The following DPH6 variants were observed in gnomAD, a reference collection of about 807,000 sequenced individuals.
The protein encoded by DPH6 is diphthine--ammonia ligase.
Under a neutral mutation model 38.2 loss-of-function variants are expected in DPH6, and 33 were observed. That is an observed-to-expected ratio of 0.86 (90% confidence interval 0.65 to 1.15). DPH6 has a LOEUF of 1.15. DPH6 is among the 50% of genes most tolerant of loss of function. The pLI is 0.00. For synonymous variants in DPH6, 108 were observed against 103.0 expected (o/e 1.05, Z -0.30); for missense variants, 325 against 320.0 (o/e 1.02, Z -0.12).
intron 3 of DPH6, among the ~76,000 whole-genome samples, chr15:35,476,255 C>T (rs763213567): frequency 1.3e-5 from 2 of 151,768 alleles, no homozygotes; most frequent in Admixed American, 6.6e-5. Flanking sequence ...TCAGTTCCCT[C>T]ATTAGTAAAT....
At chr15:35,521,939 T>C in intron 3 of DPH6, 1 of 1,421,268 alleles carries the variant, frequency 7.0e-7, no homozygotes, top group Non-Finnish European at 9.2e-7. Flanking sequence ...AAGTTCATTT[T>C]TGAAGGTTTG....
intron 5 of DPH6, among the ~76,000 whole-genome samples, chr15:35,422,260 T>C (rs953333697): frequency 2.6e-5 from 4 of 151,794 alleles, no homozygotes; most frequent in East Asian, 1.9e-4. Flanking sequence ...TTTTGGTATA[T>C]AGAAACAGAA....
At chr15:35,471,670 C>A (rs566035194) in intron 3 of DPH6, among the ~76,000 whole-genome samples, 1 of 152,288 alleles carries the variant, frequency 6.6e-6, no homozygotes, top group African/African-American at 2.4e-5. Flanking sequence ...AATTTTCTAT[C>A]CATCCTCTGC....
chr15:35,325,085 T>C (rs915443416), intron 3 of DPH6, among the ~76,000 whole-genome samples: 2 of 152,172 alleles, frequency 1.3e-5, no homozygotes, highest in African/African-American at 4.8e-5. Flanking sequence ...TTTTTTGGAT[T>C]TGAAGGTTCC....
chr15:35,544,765 A>G (rs1301484695), intron 1 of DPH6, among the ~76,000 whole-genome samples: 1 of 152,180 alleles, frequency 6.6e-6, no homozygotes, highest in African/African-American at 2.4e-5. Context: ...TGCACATTAC[A>G]GGTTATTTAG....
chr15:35,533,108 G>GGA (rs1555409304), intron 3 of DPH6, among the ~76,000 whole-genome samples: 2 of 144,230 alleles, frequency 1.4e-5, no homozygotes, highest in Non-Finnish European at 1.5e-5. Context: ...ACTCAGTCTC[G>GGA]AAAAAAAAAA....
chr15:35,198,415 C>T, the DPH6 span, among the ~76,000 whole-genome samples: 7 of 152,290 alleles, frequency 4.6e-5, no homozygotes, highest in South Asian at 4.1e-4. Flanking sequence ...CTAACATATG[C>T]TTTCTGGAAA....
At chr15:35,407,254 T>C in intron 6 of DPH6, among the ~76,000 whole-genome samples, 1 of 134,382 alleles carries the variant, frequency 7.4e-6, no homozygotes, top group Non-Finnish European at 1.6e-5. Flanking sequence ...ATTTATGCAT[T>C]TTTTTTTAAA....
intron 1 of DPH6, 100 bp downstream of exon 1, chr15:35,546,019 G>C (rs990746403): frequency 9.0e-7 from 1 of 1,111,870 alleles, no homozygotes; most frequent in South Asian, 3.1e-5. Context: ...CCCCCAACGC[G>C]CGACTCAGAC....
chr15:35,210,322 T>C, the DPH6 span, among the ~76,000 whole-genome samples: 3 of 152,194 alleles, frequency 2.0e-5, no homozygotes, highest in Admixed American at 2.0e-4. Context: ...GTATATAAAA[T>C]ATCTATTATA....
chr15:35,173,360 A>T, the DPH6 span, among the ~76,000 whole-genome samples: 445 of 152,268 alleles, frequency 2.9e-3, 1 homozygote, highest in African/African-American at 0.01. Context: ...TGTCATTTCT[A>T]ACACCTTAAA....
At chr15:35,522,347 T>C in intron 3 of DPH6, 1 of 1,491,476 alleles carries the variant, frequency 6.7e-7, no homozygotes, top group Non-Finnish European at 9.1e-7. Flanking sequence ...GCCCTGAGGC[T>C]GGATTACCAT....
chr15:35,520,459 A>G (rs1178995605), intron 3 of DPH6: 1 of 983,954 alleles, frequency 1.0e-6, no homozygotes, highest in Non-Finnish European at 1.2e-6. Context: ...TAAGTTCCAT[A>G]TATTTTCTAT....
intron 3 of DPH6, among the ~76,000 whole-genome samples, chr15:35,353,847 T>C (rs559881770): frequency 6.6e-6 from 1 of 152,228 alleles, no homozygotes; most frequent in African/African-American, 2.4e-5. Context: ...GGGGATGGCA[T>C]TGAATCTATA....
At position 35,227,174 on chromosome 15, in the gene DPH6, C is replaced by CTT. The variant is rs71415001; in HGVS notation, n.201-6594_201-6593dup. On this transcript the variant is annotated intron_variant and non_coding_transcript_variant, in intron 3 of 3. Coordinates refer to the DPH6 transcript ENST00000560386. ...TCTGCAATATCAGTTATAACATCTT[C>CTT]TTTTTTTTTTTTTTTTTTTTTTTTT... 4.1e-3 allele frequency among the ~76,000 whole-genome samples: 313 copies of CTT among 77,096 alleles called. 60 individuals are homozygous for CTT. Among genetic ancestry groups the CTT allele is most frequent in the East Asian group, 0.011 (22 of 1,934 alleles). 50.6% of individuals were successfully genotyped at this position (77,096 alleles called of 152,430 possible). A position where few individuals can be genotyped will look rare whatever the true frequency, so the allele number is the denominator to read the frequency against.
chr15:35,498,052 T>C (rs1028962073), intron 3 of DPH6, among the ~76,000 whole-genome samples: 3 of 152,210 alleles, frequency 2.0e-5, no homozygotes, highest in African/African-American at 7.2e-5. Flanking sequence ...TTACTTTCAA[T>C]AGGTTGAGCA....
intron 3 of DPH6, among the ~76,000 whole-genome samples, chr15:35,254,776 A>C (rs557006643): frequency 3.9e-5 from 6 of 152,178 alleles, no homozygotes; most frequent in Non-Finnish European, 7.3e-5. Context: ...GAGTCAGCGA[A>C]GGGAGATAGG....
downstream of DPH6, among the ~76,000 whole-genome samples, chr15:35,368,225 A>G (rs1412217711): frequency 6.6e-6 from 1 of 151,938 alleles, no homozygotes; most frequent in Non-Finnish European, 1.5e-5. Context: ...AAGTAGTTAA[A>G]AAGAGAAGAA....
the DPH6 span, among the ~76,000 whole-genome samples, chr15:35,173,055 T>C: frequency 2.6e-5 from 4 of 152,230 alleles, no homozygotes; most frequent in East Asian, 1.9e-4. Context: ...AGTGCTATGA[T>C]AGGTATTTAG....
Sources: allele counts gnomAD v4.1 joint callset (sites outside exome capture counted in the v4.1 genomes callset), GRCh38; gene constraint gnomAD v4.1.1; transcripts MANE v1.5; gene names NCBI Gene and HGNC (gene_info 2026-07-23, HGNC 2026-07-21).